NBAS: variants seen among roughly 807,000 people sequenced by gnomAD.
NBAS encodes the protein NBAS subunit of NRZ tethering complex, also known as NAG/BC035112 fusion.
In NBAS, 219 loss-of-function variants were observed where a neutral mutation model predicts 302.5. The observed-to-expected ratio is 0.72, with a 90% CI of 0.65 to 0.81. NBAS has a LOEUF of 0.81. Ranked by LOEUF, NBAS falls within the 30% of genes least tolerant of loss-of-function variation. The pLI, the probability that NBAS is intolerant of heterozygous loss-of-function variation, is 0.00. For synonymous variants in NBAS, 1,118 were observed against 1,021.6 expected (o/e 1.09, Z -1.80); for missense variants, 2,932 against 2,841.6 (o/e 1.03, Z -0.72).
the NBAS span, among the ~76,000 whole-genome samples, chr2:15,015,728 C>A: frequency 6.6e-6 from 1 of 152,064 alleles, no homozygotes; most frequent in Non-Finnish European, 1.5e-5. Context: ...AGAATTAGAA[C>A]AAGACAAGGA....
intron 8 of NBAS, among the ~76,000 whole-genome samples, chr2:15,535,400 C>T (rs1663439561): frequency 6.6e-6 from 1 of 151,896 alleles, no homozygotes; most frequent in Non-Finnish European, 1.5e-5. Context: ...CGGGCACCTG[C>T]AGTCTCAGCT....
rs145230457 is a variant in NBAS, at chr2:15,490,899, G to A, written c.955-1877C>T. On this transcript the variant is annotated intron_variant, in intron 11 of 51. Coordinates refer to ENST00000281513, the MANE Select transcript of NBAS (RefSeq NM_015909.4). Reference sequence around the variant, plus strand: ...ATAATTAGTCATGTGTGATCTGTACGGTAATTCCCAGGTATTATAAATGTT... The same window carrying A: ...ATAATTAGTCATGTGTGATCTGTACAGTAATTCCCAGGTATTATAAATGTT... 5.8e-3 allele frequency among the ~76,000 whole-genome samples: 879 copies of A among 152,136 alleles called. 7 individuals are homozygous for A. Among genetic ancestry groups the A allele is most frequent in the African/African-American group, 0.019 (790 of 41,484 alleles).
intron 48 of NBAS, among the ~76,000 whole-genome samples, chr2:15,194,450 G>A (rs530665965): frequency 2.0e-5 from 3 of 152,124 alleles, no homozygotes; most frequent in African/African-American, 7.2e-5. Flanking sequence ...TCTTTATCTG[G>A]CAAAGCTATT....
At chr2:14,841,163 T>A in the NBAS span, among the ~76,000 whole-genome samples, 2 of 151,868 alleles carry the variant, frequency 1.3e-5, 1 homozygote, top group Non-Finnish European at 2.9e-5. Context: ...AGATTCATGA[T>A]AACCACAATG....
chr2:15,210,760 G>A (rs972061442), intron 48 of NBAS, among the ~76,000 whole-genome samples: 1 of 152,114 alleles, frequency 6.6e-6, no homozygotes, highest in Non-Finnish European at 1.5e-5. Flanking sequence ...AGAAAATGTG[G>A]TACATATATA....
chr2:15,132,041 C>T, the NBAS span, among the ~76,000 whole-genome samples: 10 of 152,110 alleles, frequency 6.6e-5, no homozygotes, highest in African/African-American at 9.7e-5. Context: ...GAGATTTGGC[C>T]GAGACATATA....
intron 40 of NBAS, among the ~76,000 whole-genome samples, chr2:15,295,223 A>G (rs1251102792): frequency 6.6e-6 from 1 of 152,244 alleles, no homozygotes; most frequent in African/African-American, 2.4e-5. Context: ...GGTGAAGAGA[A>G]AAGCTCCAAA....
In NBAS at chr2:15,278,530, C is replaced by T. The variant is rs80020259; in HGVS notation, c.5139-1429G>A. On this transcript the variant is annotated intron_variant, in intron 42 of 51. Coordinates refer to ENST00000281513, the MANE Select transcript of NBAS (RefSeq NM_015909.4). ...ATCTCTAGTTTCTCAATACCAAGAA[C>T]CAGAGTGTGGCACAAAGGAAACATT... 6.8e-3 allele frequency among the ~76,000 whole-genome samples: 1,031 copies of T among 152,208 alleles called. 15 individuals are homozygous for T. The highest frequency in any genetic ancestry group is 0.024 in the African/African-American group (1,000 of 41,534).
At chr2:15,233,041 G>GA (rs1206748619) in intron 46 of NBAS, among the ~76,000 whole-genome samples, 2 of 151,440 alleles carry the variant, frequency 1.3e-5, no homozygotes, top group Admixed American at 1.3e-4. Context: ...ATGCAACAGA[G>GA]AAAAAAAATA....
At chr2:15,357,038 C>T (rs187297357) in intron 32 of NBAS, among the ~76,000 whole-genome samples, 1 of 152,280 alleles carries the variant, frequency 6.6e-6, no homozygotes, top group Non-Finnish European at 1.5e-5. Flanking sequence ...CTGGTCATCC[C>T]TGGTAATCTG....
chr2:15,307,044 C>A (rs1407282997), intron 40 of NBAS, among the ~76,000 whole-genome samples: 1 of 152,184 alleles, frequency 6.6e-6, no homozygotes, highest in Non-Finnish European at 1.5e-5. Flanking sequence ...CTCCTTCTGC[C>A]TCCCCTCCCG....
At chr2:15,278,783 A>G (rs997857333) in intron 42 of NBAS, among the ~76,000 whole-genome samples, 19 of 152,202 alleles carry the variant, frequency 1.2e-4, no homozygotes, top group African/African-American at 4.3e-4. Context: ...TCCAATTAAG[A>G]GAAGGATCAC....
chr2:15,178,837 A>C, intron 51 of NBAS, 151 bp downstream of exon 51: 1 of 1,155,506 alleles, frequency 8.7e-7, no homozygotes, highest in Non-Finnish European at 1.2e-6. Context: ...CTGCTGGGAC[A>C]AAACAGGAAC....
chr2:15,523,933 A>C (rs1457112940), intron 9 of NBAS, among the ~76,000 whole-genome samples: 1 of 152,154 alleles, frequency 6.6e-6, no homozygotes, highest in Non-Finnish European at 1.5e-5. Flanking sequence ...AAATAAATAA[A>C]CAAACAAACA....
intron 9 of NBAS, among the ~76,000 whole-genome samples, chr2:15,524,283 C>T (rs1457260121): frequency 6.6e-6 from 1 of 152,204 alleles, no homozygotes; most frequent in South Asian, 2.1e-4. Flanking sequence ...AATGGAGTGA[C>T]TTCCTGGCTG....
the NBAS span, among the ~76,000 whole-genome samples, chr2:14,848,003 A>C: frequency 1.6e-3 from 241 of 152,356 alleles, no homozygotes; most frequent in African/African-American, 5.6e-3. Flanking sequence ...AGACATATGG[A>C]AATTAAAAAA....
intron 50 of NBAS, 144 bp from the exon 51 acceptor site, chr2:15,179,260 T>C (rs924248884): frequency 4.1e-6 from 5 of 1,212,260 alleles, no homozygotes; most frequent in Non-Finnish European, 5.9e-6. Flanking sequence ...CTGGATATAC[T>C]GAATATGGGC....
intron 21 of NBAS, among the ~76,000 whole-genome samples, chr2:15,452,229 A>C (rs1456428057): frequency 6.6e-6 from 1 of 152,212 alleles, no homozygotes; most frequent in African/African-American, 2.4e-5. Flanking sequence ...GTACACTTAA[A>C]AATAGTTAAG....
intron 32 of NBAS, among the ~76,000 whole-genome samples, chr2:15,360,388 G>A (rs139204225): frequency 3.6e-4 from 54 of 150,542 alleles, no homozygotes; most frequent in African/African-American, 1.2e-3. Context: ...AGGCTGGAGT[G>A]TAATGGCATG....
Sources: gnomAD v4.1 joint callset for allele counts (sites outside exome capture counted in the v4.1 genomes callset) on GRCh38, gnomAD v4.1.1 for gene constraint, MANE v1.5 for transcripts, NCBI Gene and HGNC (gene_info 2026-07-23, HGNC 2026-07-21) for gene names.